ADCY8: variants seen among roughly 807,000 people sequenced by gnomAD.
The protein encoded by ADCY8 is adenylate cyclase 8.
In ADCY8, 51 loss-of-function variants were observed where a neutral mutation model predicts 119.7. The observed-to-expected ratio is 0.43, with a 90% CI of 0.34 to 0.54. ADCY8 has a LOEUF of 0.54. ADCY8 is among the 20% of genes least tolerant of loss of function. The pLI is 0.03. For missense variants in ADCY8, 1,383 were observed against 1,598.8 expected (o/e 0.87, Z 2.30); for synonymous variants, 665 against 651.0 (o/e 1.02, Z -0.33).
intron 5 of ADCY8, among the ~76,000 whole-genome samples, chr8:130,930,859 T>C (rs1820610337): frequency 6.6e-6 from 1 of 152,204 alleles, no homozygotes; most frequent in Non-Finnish European, 1.5e-5. Context: ...TTTCCAAGTT[T>C]GAAAAGTTTT....
intron 8 of ADCY8, among the ~76,000 whole-genome samples, chr8:130,878,152 G>A (rs558935512): frequency 1.2e-4 from 18 of 152,270 alleles, no homozygotes; most frequent in Non-Finnish European, 1.5e-4. Context: ...TCACCCAACC[G>A]GTAACTGGTT....
chr8:130,783,836 T>G, intron 16 of ADCY8, 31 bp from the exon 17 acceptor site: 1 of 1,546,926 alleles, frequency 6.5e-7, no homozygotes, highest in Non-Finnish European at 8.9e-7. Flanking sequence ...AGAAATCATT[T>G]AATGCGGAAT....
intron 1 of ADCY8, among the ~76,000 whole-genome samples, chr8:131,001,937 C>A (rs1822963093): frequency 1.3e-5 from 2 of 152,136 alleles, no homozygotes; most frequent in African/African-American, 4.8e-5. Flanking sequence ...ACAGAGTGGC[C>A]TTCAGTCCTG....
At chr8:130,883,820 G>C (rs7008162) in intron 8 of ADCY8, among the ~76,000 whole-genome samples, 2,160 of 152,234 alleles carry the variant, frequency 0.014, 52 homozygotes, top group African/African-American at 0.048. Flanking sequence ...TGAGGTGGGG[G>C]AGGGGAATGG....
chr8:130,837,959 A>C (rs1158815499), intron 11 of ADCY8, among the ~76,000 whole-genome samples: 1 of 152,244 alleles, frequency 6.6e-6, no homozygotes, highest in Non-Finnish European at 1.5e-5. Flanking sequence ...TCTAGTTAAA[A>C]TATTGGACTT....
intron 14 of ADCY8, among the ~76,000 whole-genome samples, chr8:130,805,107 C>A (rs544377836): frequency 6.6e-6 from 1 of 152,094 alleles, no homozygotes; most frequent in Non-Finnish European, 1.5e-5. Flanking sequence ...ATTCTGATTG[C>A]TTAAATAAAA....
intron 1 of ADCY8, among the ~76,000 whole-genome samples, chr8:131,024,965 A>T (rs16904399): frequency 0.073 from 11,125 of 152,240 alleles, 1,191 homozygotes; most frequent in African/African-American, 0.23. Context: ...ATGCACATTC[A>T]TTATAACTCA....
At position 130,836,400 on chromosome 8, in the gene ADCY8, A is replaced by T; in HGVS notation, c.2552T>A (p.Leu851His). ...CAGCTTCAGGACGGAGTTCAGCCGG[A>T]GGAAAACTGCACAGGTCACCATGGC... ...VLAMVTCAVF[L>H]RLNSVLKLAV... The change falls in exon 12 of 18, where the codon CTC (leucine) becomes CAC (histidine). Residue 851 changes from leucine to histidine, a missense_variant. Around this residue, in one of 2 missense-constraint regions of ADCY8, gnomAD observed 928 missense variants for 1,163.5 expected, o/e 0.80. Coordinates refer to ENST00000286355, the MANE Select transcript of ADCY8 (RefSeq NM_001115.3). The T allele has an allele frequency of 6.2e-7, 1 of 1,614,030 alleles. No individual in the cohort carries two copies. Among genetic ancestry groups the T allele is most frequent in the Non-Finnish European group, 8.5e-7 (1 of 1,179,934 alleles).
chr8:130,814,972 C>T (rs1816291102), intron 13 of ADCY8, among the ~76,000 whole-genome samples: 8 of 152,164 alleles, frequency 5.3e-5, no homozygotes, highest in Admixed American at 5.2e-4. Flanking sequence ...TATATTGGAG[C>T]CCTAACCCCC....
chr8:131,037,419 A>G lies in ADCY8; in HGVS notation c.960+1955T>C, dbSNP rs147810809. Among the ~76,000 whole-genome samples the G allele has an allele frequency of 9.0e-3, 1,378 of 152,326 alleles. 10 individuals are homozygous for G. Among genetic ancestry groups the G allele is most frequent in the Non-Finnish European group, 0.013 (899 of 68,024 alleles). ...TCTGGATTCACTTGGCAAGAAAAAT[A>G]TATCTATACTTAGAACTTTGAAAAC... On this transcript the variant is annotated intron_variant, in intron 1 of 17. Transcript: ENST00000286355.
chr8:130,837,115 T>G (rs747736164), intron 11 of ADCY8, among the ~76,000 whole-genome samples: 2 of 152,162 alleles, frequency 1.3e-5, no homozygotes, highest in Non-Finnish European at 2.9e-5. Context: ...AGCTCTAGAA[T>G]AGCTTTTTGG....
intron 15 of ADCY8, among the ~76,000 whole-genome samples, chr8:130,796,696 C>CTTTTTTATTTTTTAT (rs1340928143): frequency 7.2e-5 from 11 of 152,028 alleles, no homozygotes; most frequent in Non-Finnish European, 1.3e-4. Context: ...ATTCAGGCCG[C>CTTTTTTATTTTTTAT]TTTTTTATTT....
chr8:130,864,255 C>T (rs557327242), intron 9 of ADCY8, among the ~76,000 whole-genome samples: 42 of 152,230 alleles, frequency 2.8e-4, no homozygotes, highest in Middle Eastern at 3.4e-3. Context: ...AAGATTTTCC[C>T]TTTGTCTTGC....
At chr8:131,008,332 C>T (rs948244901) in intron 1 of ADCY8, among the ~76,000 whole-genome samples, 8 of 152,094 alleles carry the variant, frequency 5.3e-5, no homozygotes, top group African/African-American at 1.9e-4. Context: ...AGAGTGGGAC[C>T]AGATGGAGGT....
At chr8:130,889,618 C>T (rs2130478827) in intron 7 of ADCY8, among the ~76,000 whole-genome samples, 1 of 152,308 alleles carries the variant, frequency 6.6e-6, no homozygotes, top group African/African-American at 2.4e-5. Context: ...CATGTGGCTG[C>T]TTTCCAGTGT....
At chr8:130,796,308 G>C (rs1374552125) in intron 15 of ADCY8, among the ~76,000 whole-genome samples, 1 of 152,192 alleles carries the variant, frequency 6.6e-6, no homozygotes, top group Non-Finnish European at 1.5e-5. Flanking sequence ...GGGGCATAGA[G>C]TGGTCCCTGA....
At chr8:130,847,621 A>G in intron 10 of ADCY8, 108 bp from the exon 11 acceptor site, 1 of 882,626 alleles carries the variant, frequency 1.1e-6, no homozygotes. Flanking sequence ...GCTGGGCTTC[A>G]GCACGAGCCT....
intron 9 of ADCY8, among the ~76,000 whole-genome samples, chr8:130,862,067 G>C (rs988175968): frequency 4.1e-4 from 63 of 152,214 alleles, no homozygotes; most frequent in African/African-American, 1.3e-3. Context: ...TACATTGTTA[G>C]ATTTCATTTG....
intron 2 of ADCY8, among the ~76,000 whole-genome samples, chr8:130,963,454 G>A (rs890217550): frequency 4.6e-5 from 7 of 152,144 alleles, no homozygotes; most frequent in Admixed American, 2.0e-4. Flanking sequence ...CTGAGGCTAT[G>A]GTATGCTGTC....
Sources: allele counts gnomAD v4.1 joint callset (sites outside exome capture counted in the v4.1 genomes callset), GRCh38; gene constraint gnomAD v4.1.1; regional missense constraint gnomAD v4.1.1; transcripts MANE v1.5; gene names NCBI Gene and HGNC (gene_info 2026-07-23, HGNC 2026-07-21).